The following CD86 variants were observed in gnomAD, a reference collection of about 807,000 sequenced individuals.
CD86 encodes the protein T-lymphocyte activation antigen CD86.
A neutral mutation model predicts 32.1 loss-of-function variants in CD86; 11 were observed. That is an observed-to-expected ratio of 0.34 (90% CI 0.22 to 0.57). The LOEUF is 0.57. Ranked by LOEUF, CD86 falls within the 20% of genes least tolerant of loss-of-function variation. The pLI is 0.86. For synonymous variants in CD86, 137 were observed against 135.3 expected, an observed-to-expected ratio of 1.01 and a Z score of -0.09; for missense variants, 359 against 398.4, an observed-to-expected ratio of 0.90 and a Z score of 0.84.
Position 122,119,539 on chromosome 3 carries a change from AGAGTAAAGCC to A in CD86, c.*6_*15del. On this transcript the variant is annotated 3_prime_UTR_variant, in exon 7 of 7. Transcript: ENST00000330540. ...AAAAGTGATACATGTTTTTAATTAA[AGAGTAAAGCC>A]CATACAAGTATTCATTTTTTCTACC... is the stretch of plus-strand genomic sequence containing the variant. 6.5e-7 allele frequency: 1 copy of A among 1,531,612 alleles called. No homozygotes were observed. Among genetic ancestry groups the A allele is most frequent in the Non-Finnish European group, 9.0e-7 (1 of 1,105,456 alleles). 94.9% of individuals were successfully genotyped at this position (1,531,612 alleles called of 1,614,324 possible). A position where few individuals can be genotyped will look rare whatever the true frequency, so the allele number is the denominator to read the frequency against.
Position 122,067,912 on chromosome 3 carries a change from C to T in CD86, c.14+12409C>T, listed in dbSNP as rs115511323. 6.5e-3 allele frequency among the ~76,000 whole-genome samples: 996 copies of T among 152,258 alleles called. 14 individuals carry two copies. Among genetic ancestry groups the T allele is most frequent in the African/African-American group, 0.022 (931 of 41,550 alleles). On this transcript the variant is annotated intron_variant, in intron 1 of 6. Transcript: ENST00000330540. ...AGCATGTGATGGAAGTAGCAGGGAG[C>T]TGCAAAAATTGCAACTCTATGATTC...
chr3:122,060,239 A>G (rs945327789), intron 1 of CD86, among the ~76,000 whole-genome samples: 2 of 152,202 alleles, frequency 1.3e-5, no homozygotes, highest in Non-Finnish European at 1.5e-5. Flanking sequence ...CAGAAAGGCG[A>G]AGTAGGAGAA....
At chr3:122,086,542 A>T (rs1441006689) in intron 1 of CD86, 1 of 465,408 alleles carries the variant, frequency 2.1e-6, no homozygotes, top group Non-Finnish European at 4.3e-6. Context: ...GAGCTCTTCT[A>T]GATATGGCTT....
At chr3:122,105,962 GCAC>G (rs1013814087) in intron 3 of CD86, among the ~76,000 whole-genome samples, 3 of 152,044 alleles carry the variant, frequency 2.0e-5, no homozygotes, top group Non-Finnish European at 4.4e-5. Flanking sequence ...CACTTAGAGA[GCAC>G]CCCTTTGATT....
At chr3:122,095,312 C>T (rs2072889022) in intron 2 of CD86, among the ~76,000 whole-genome samples, 1 of 151,916 alleles carries the variant, frequency 6.6e-6, no homozygotes, top group African/African-American at 2.4e-5. Flanking sequence ...GCTGGGATTA[C>T]ACCTACCACC....
At chr3:122,119,308 C>A in intron 6 of CD86, 130 bp from the exon 7 acceptor site, 1 of 673,522 alleles carries the variant, frequency 1.5e-6, no homozygotes, top group Non-Finnish European at 2.7e-6. Context: ...CTCCACCTTT[C>A]TCTTCAATAG....
intron 1 of CD86, among the ~76,000 whole-genome samples, chr3:122,068,958 A>T (rs927892397): frequency 2.0e-5 from 3 of 152,228 alleles, no homozygotes; most frequent in African/African-American, 4.8e-5. Flanking sequence ...GAAGAGATAT[A>T]TCGAGAAAAC....
At chr3:122,068,247 G>C (rs910124452) in intron 1 of CD86, among the ~76,000 whole-genome samples, 4 of 151,704 alleles carry the variant, frequency 2.6e-5, no homozygotes, top group Admixed American at 2.6e-4. Context: ...TTTACATAAG[G>C]TGCTTTCACG....
chr3:122,086,809 G>A (rs2072729761), intron 1 of CD86, among the ~76,000 whole-genome samples: 1 of 152,202 alleles, frequency 6.6e-6, no homozygotes, highest in South Asian at 2.1e-4. Flanking sequence ...CCTGGCCCTA[G>A]GCTGTGCTGC....
At position 122,077,673 on chromosome 3, in the gene CD86, T is replaced by C. The variant is rs551506800; in HGVS notation, c.15-13928T>C. 319 of 644,212 alleles carry C rather than the reference T, an allele frequency of 5.0e-4. 1 individual carries two copies. The African/African-American group carries it at 6.0e-3, about 12-fold the overall frequency. The allele number at this position is 644,212 out of a possible 1,614,324, so 39.9% of individuals were successfully genotyped here. A position where few individuals can be genotyped will look rare whatever the true frequency, so the allele number is the denominator to read the frequency against. On this transcript the variant is annotated intron_variant, in intron 1 of 6. Transcript: ENST00000330540. ...TGGGAATCTGTCAGGGAAGGTGTCT[T>C]TGTCATGTTTGTGGATGGGGCTCCC...
intron 5 of CD86, among the ~76,000 whole-genome samples, chr3:122,112,179 T>C (rs1002266345): frequency 5.3e-5 from 8 of 152,230 alleles, no homozygotes; most frequent in African/African-American, 1.4e-4. Flanking sequence ...GACTGAAATC[T>C]GTATACAATG....
At chr3:122,084,872 A>G (rs543627728) in intron 1 of CD86, among the ~76,000 whole-genome samples, 22 of 152,334 alleles carry the variant, frequency 1.4e-4, no homozygotes, top group African/African-American at 3.8e-4. Flanking sequence ...GGAGTAGCCA[A>G]GGATATGTGT....
At chr3:122,068,752 T>C (rs933807696) in intron 1 of CD86, among the ~76,000 whole-genome samples, 1 of 152,234 alleles carries the variant, frequency 6.6e-6, no homozygotes, top group African/African-American at 2.4e-5. Context: ...ATCTTTTGTA[T>C]AACCTATCAG....
intron 1 of CD86, among the ~76,000 whole-genome samples, chr3:122,072,709 T>C (rs2072505535): frequency 6.6e-6 from 1 of 152,334 alleles, no homozygotes; most frequent in South Asian, 2.1e-4. Context: ...TATTTTCTTT[T>C]GCTGTGCAGA....
chr3:122,089,623 A>G (rs549746796), intron 1 of CD86, among the ~76,000 whole-genome samples: 2 of 152,384 alleles, frequency 1.3e-5, no homozygotes, highest in South Asian at 4.1e-4. Flanking sequence ...TGATCAGAGC[A>G]TAAACGTATA....
Position 122,101,908 on chromosome 3 carries a change from A to G in CD86, c.65-1604A>G, listed in dbSNP as rs186464291. On this transcript the variant is annotated intron_variant, in intron 2 of 6. Coordinates refer to ENST00000330540, the MANE Select transcript of CD86 (RefSeq NM_175862.5). ...ATATAGATTTTCCTTCCTCCCTCCAATACCGGTACGCATCCTCTACAGGTG... is the reference window on the plus strand; with the variant it reads ...ATATAGATTTTCCTTCCTCCCTCCAGTACCGGTACGCATCCTCTACAGGTG... Among the ~76,000 whole-genome samples, 9 of 152,078 alleles carry G rather than the reference A, an allele frequency of 5.9e-5. No homozygotes were observed. The East Asian group carries it at 1.7e-3, about 29-fold the overall frequency.
chr3:122,085,508 G>A (rs780136944), intron 1 of CD86, among the ~76,000 whole-genome samples: 2 of 152,190 alleles, frequency 1.3e-5, no homozygotes, highest in Non-Finnish European at 2.9e-5. Context: ...TTCCCAGCGT[G>A]GGTTTAGGCT....
chr3:122,101,699 G>A (rs1006191877), intron 2 of CD86, among the ~76,000 whole-genome samples: 1 of 151,694 alleles, frequency 6.6e-6, no homozygotes, highest in African/African-American at 2.4e-5. Flanking sequence ...TATATTACAT[G>A]ACAATTTAGA....
chr3:122,058,458 A>G (rs1322358941), intron 1 of CD86, among the ~76,000 whole-genome samples: 1 of 152,180 alleles, frequency 6.6e-6, no homozygotes, highest in African/African-American at 2.4e-5. Context: ...TGCAAGAGAG[A>G]GCAGATGACT....
Sources: gnomAD v4.1 joint callset for allele counts (sites outside exome capture counted in the v4.1 genomes callset) on GRCh38, gnomAD v4.1.1 for gene constraint, MANE v1.5 for transcripts, NCBI Gene and HGNC (gene_info 2026-07-23, HGNC 2026-07-21) for gene names.